DAB1: variants seen among roughly 807,000 people sequenced by gnomAD.
DAB1 encodes disabled homolog 1.
In DAB1, 15 loss-of-function variants were observed where a neutral mutation model predicts 64.6. The ratio of observed to expected loss-of-function variants is 0.23; its 90% CI spans 0.16 to 0.36. DAB1 has a LOEUF of 0.36. DAB1 is among the 10% of genes least tolerant of loss of function. The probability of loss-of-function intolerance (pLI) is 1.00; values close to 1 mark genes in which losing one functional copy is unlikely to be tolerated. For synonymous variants in DAB1, 235 were observed against 251.9 expected, an observed-to-expected ratio of 0.93 and a Z score of 0.64; for missense variants, 596 against 706.7, an observed-to-expected ratio of 0.84 and a Z score of 1.78.
At chr1:57,572,257 T>A (rs1645201544) in intron 7 of DAB1, among the ~76,000 whole-genome samples, 1 of 152,018 alleles carries the variant, frequency 6.6e-6, no homozygotes, top group Non-Finnish European at 1.5e-5. Context: ...TAAGTTTAAA[T>A]CCCCGCCCCA....
intron 7 of DAB1, among the ~76,000 whole-genome samples, chr1:57,453,417 A>T (rs1686464245): frequency 6.6e-6 from 1 of 152,180 alleles, no homozygotes; most frequent in East Asian, 1.9e-4. Context: ...TTGGAGAAAC[A>T]TCCATGTGCT....
At chr1:57,809,842 G>C (rs1055128645) in intron 6 of DAB1, among the ~76,000 whole-genome samples, 1 of 152,160 alleles carries the variant, frequency 6.6e-6, no homozygotes, top group African/African-American at 2.4e-5. Flanking sequence ...AATATGACTA[G>C]AACATCCGTG....
At chr1:58,261,493 C>G (rs1020791566) in intron 4 of DAB1, among the ~76,000 whole-genome samples, 5 of 152,120 alleles carry the variant, frequency 3.3e-5, no homozygotes, top group Non-Finnish European at 7.4e-5. Context: ...ATAGACCTCT[C>G]TCAAGAGAGA....
intron 4 of DAB1, among the ~76,000 whole-genome samples, chr1:58,303,559 G>A (rs1167926577): frequency 6.6e-6 from 1 of 152,178 alleles, no homozygotes; most frequent in Non-Finnish European, 1.5e-5. Flanking sequence ...AAAAGATGAT[G>A]TCCAAACCAG....
intron 1 of DAB1, among the ~76,000 whole-genome samples, chr1:57,865,626 T>C (rs780589907): frequency 9.9e-5 from 15 of 152,144 alleles, no homozygotes; most frequent in Non-Finnish European, 1.9e-4. Context: ...GCACTTGTCC[T>C]TCCTGTTCTA....
At position 58,146,782 on chromosome 1, in the gene DAB1, C is replaced by T. The variant is rs906172262; in HGVS notation, n.387+3729G>A. Among the ~76,000 whole-genome samples the T allele has an allele frequency of 7.2e-5, 11 of 151,976 alleles. 1 individual carries two copies. In the East Asian group the frequency reaches 2.1e-3, roughly 29 times the overall value. Reference sequence around the variant, plus strand: ...ATAGAATATATGTGAATATATTGCACATATATATGTGAAATATATAACATA... The same window carrying T: ...ATAGAATATATGTGAATATATTGCATATATATATGTGAAATATATAACATA... On this transcript the variant is annotated intron_variant and non_coding_transcript_variant, in intron 5 of 20. Transcript: ENST00000485760.
intron 4 of DAB1, among the ~76,000 whole-genome samples, chr1:58,266,070 C>A (rs1661153063): frequency 7.5e-6 from 1 of 132,790 alleles, no homozygotes; most frequent in African/African-American, 2.8e-5. Flanking sequence ...AGAAGAGAAT[C>A]CAGTACAATT....
At chr1:58,304,089 G>GA (rs2100466035) in intron 4 of DAB1, among the ~76,000 whole-genome samples, 1 of 152,110 alleles carries the variant, frequency 6.6e-6, no homozygotes, top group Non-Finnish European at 1.5e-5. Flanking sequence ...TAAGTACGGG[G>GA]AAAAATTCAT....
At position 58,378,886 on chromosome 1, in the gene DAB1, G is replaced by A. The variant is rs1644357208; in HGVS notation, n.258-35483C>T. Among the ~76,000 whole-genome samples, 2 of 70,714 alleles carry A rather than the reference G, an allele frequency of 2.8e-5. 1 individual carries two copies. Among genetic ancestry groups the A allele is most frequent in the Non-Finnish European group, 5.2e-5 (2 of 38,402 alleles). 46.4% of individuals were successfully genotyped at this position (70,714 alleles called of 152,430 possible). On this transcript the variant is annotated intron_variant and non_coding_transcript_variant, in intron 3 of 20. Transcript: ENST00000485760. ...GGTGTGGGATATAGTCTCGTGGTGC[G>A]CCGTTTTTTAAGCCCGTCGGAAAAG...
intron 4 of DAB1, among the ~76,000 whole-genome samples, chr1:58,154,341 G>A (rs1324132266): frequency 6.6e-6 from 1 of 152,110 alleles, no homozygotes; most frequent in African/African-American, 2.4e-5. Flanking sequence ...GTACAGTAGA[G>A]TCCATCCCGA....
chr1:57,123,448 A>AT (rs1390686600), intron 4 of DAB1, among the ~76,000 whole-genome samples: 37 of 152,154 alleles, frequency 2.4e-4, no homozygotes, highest in Admixed American at 9.8e-4. Context: ...CAATAAGTTA[A>AT]TTTTTTTTAA....
intron 2 of DAB1, among the ~76,000 whole-genome samples, chr1:57,167,781 A>T (rs1661343476): frequency 6.6e-6 from 1 of 152,206 alleles, no homozygotes; most frequent in African/African-American, 2.4e-5. Context: ...CCGTAATCTA[A>T]TAACTCATTT....
At chr1:57,394,968 AT>A (rs1256547319) in intron 1 of DAB1, among the ~76,000 whole-genome samples, 1 of 152,220 alleles carries the variant, frequency 6.6e-6, no homozygotes, top group Non-Finnish European at 1.5e-5. Context: ...ATCATTAAAA[AT>A]TGGTTGTTTT....
chr1:58,396,355 T>C (rs1644522374), intron 3 of DAB1, among the ~76,000 whole-genome samples: 1 of 152,070 alleles, frequency 6.6e-6, no homozygotes, highest in Non-Finnish European at 1.5e-5. Flanking sequence ...TGTTAGGCAT[T>C]CCCCAGAGGC....
intron 4 of DAB1, among the ~76,000 whole-genome samples, chr1:58,183,127 T>C (rs901509213): frequency 3.9e-5 from 6 of 152,030 alleles, no homozygotes; most frequent in African/African-American, 7.3e-5. Flanking sequence ...GTAAGCATAG[T>C]GTAGTGATCA....
At chr1:57,877,323 T>C (rs1282094239) in intron 1 of DAB1, among the ~76,000 whole-genome samples, 1 of 152,100 alleles carries the variant, frequency 6.6e-6, no homozygotes, top group Non-Finnish European at 1.5e-5. Flanking sequence ...AGGAAATTGT[T>C]GTGGGCGCCC....
chr1:57,878,521 A>T (rs1278127087), intron 1 of DAB1: 1 of 152,188 alleles, frequency 6.6e-6, no homozygotes, highest in Non-Finnish European at 1.5e-5. Flanking sequence ...TGTTAGGAAG[A>T]CTATGTCTGT....
At chr1:58,188,193 G>A (rs1657195818) in intron 4 of DAB1, among the ~76,000 whole-genome samples, 1 of 152,188 alleles carries the variant, frequency 6.6e-6, no homozygotes, top group Non-Finnish European at 1.5e-5. Context: ...ACAGGCATAA[G>A]CCACCATACT....
At chr1:57,593,457 G>A (rs994484620) in intron 7 of DAB1, among the ~76,000 whole-genome samples, 3 of 152,194 alleles carry the variant, frequency 2.0e-5, no homozygotes, top group African/African-American at 7.2e-5. Flanking sequence ...TAATGTTGCT[G>A]TGACCATGGG....
Sources: allele counts gnomAD v4.1 joint callset (sites outside exome capture counted in the v4.1 genomes callset), GRCh38; gene constraint gnomAD v4.1.1; transcripts MANE v1.5; gene names NCBI Gene and HGNC (gene_info 2026-07-23, HGNC 2026-07-21).